Variants in GNG4 observed in about 807,000 individuals in gnomAD.
GNG4 encodes the protein G protein subunit gamma 4.
GNG4 carries 4 observed loss-of-function variants against 5.8 expected under a neutral mutation model. The ratio of observed to expected loss-of-function variants is 0.69; its 90% CI spans 0.34 to 1.57. The LOEUF is 1.57. GNG4 is among the 40% of genes most tolerant of loss of function. The probability of loss-of-function intolerance (pLI) is 0.06; values close to 1 mark genes in which losing one functional copy is unlikely to be tolerated. For missense variants in GNG4, 96 were observed against 95.1 expected (o/e 1.01, Z -0.04); for synonymous variants, 29 against 32.9 (o/e 0.88, Z 0.41).
At chr1:235,597,588 C>CTGTGTGTGTGTGTG (rs386417904) in intron 1 of GNG4, among the ~76,000 whole-genome samples, 1 of 74,266 alleles carries the variant, frequency 1.3e-5, no homozygotes, top group African/African-American at 5.2e-5. Flanking sequence ...AACTTGTTTG[C>CTGTGTGTGTGTGTG]TGTGTGTGTG....
intron 3 of GNG4, among the ~76,000 whole-genome samples, chr1:235,561,034 G>A (rs900333103): frequency 6.6e-5 from 10 of 151,942 alleles, no homozygotes; most frequent in Non-Finnish European, 1.0e-4. Flanking sequence ...CTTTTGAGAC[G>A]GAGTCTCACT....
At chr1:235,587,574 G>GT (rs2102946705) in intron 2 of GNG4, among the ~76,000 whole-genome samples, 1 of 81,128 alleles carries the variant, frequency 1.2e-5, no homozygotes, top group Non-Finnish European at 2.5e-5. Context: ...GGGAGGGTGT[G>GT]GGGTGGCGGT....
chr1:235,575,849 G>A (rs916803962), intron 3 of GNG4, among the ~76,000 whole-genome samples: 3 of 152,138 alleles, frequency 2.0e-5, no homozygotes, highest in Non-Finnish European at 4.4e-5. Flanking sequence ...CGTGGAACCC[G>A]CCTGAGAGCC....
intron 2 of GNG4, among the ~76,000 whole-genome samples, chr1:235,587,994 G>A (rs1327072603): frequency 2.0e-5 from 3 of 151,688 alleles, no homozygotes; most frequent in African/African-American, 4.9e-5. Context: ...TAACGTTACC[G>A]GGGAAAGCAG....
chr1:235,606,376 C>T (rs1430480955), intron 1 of GNG4, among the ~76,000 whole-genome samples: 4 of 151,816 alleles, frequency 2.6e-5, no homozygotes, highest in East Asian at 1.9e-4. Flanking sequence ...AGCAAGACTC[C>T]GTCTTAAAAA....
Position 235,580,739 on chromosome 1 carries a change from G to GTTTTTTTTTTTTTTTT in GNG4, c.99+3000_99+3001insAAAAAAAAAAAAAAAA. Among the ~76,000 whole-genome samples the GTTTTTTTTTTTTTTTT allele has an allele frequency of 2.0e-5, 2 of 98,048 alleles. 1 individual carries two copies. Among genetic ancestry groups the GTTTTTTTTTTTTTTTT allele is most frequent in the Non-Finnish European group, 3.7e-5 (2 of 54,044 alleles). 64.3% of individuals were successfully genotyped at this position (98,048 alleles called of 152,430 possible). ...GCACAGCAACATGGCGGCCTATCCCGTTTTTTGTTTTTTTTTTTTTTTTTT... is the reference window on the plus strand; with the variant it reads ...GCACAGCAACATGGCGGCCTATCCCGTTTTTTTTTTTTTTTTTTTTTTGTTTTTTTTTTTTTTTTTT... On this transcript the variant is annotated intron_variant, in intron 3 of 3. Coordinates refer to ENST00000391854, the MANE Select transcript of GNG4 (RefSeq NM_001098722.2).
chr1:235,561,104 G>A (rs143371461), intron 3 of GNG4, among the ~76,000 whole-genome samples: 3 of 152,270 alleles, frequency 2.0e-5, no homozygotes, highest in African/African-American at 7.2e-5. Flanking sequence ...CCACCTCACG[G>A]GTTCAAGACA....
At chr1:235,613,388 G>T (rs927555932) in intron 1 of GNG4, among the ~76,000 whole-genome samples, 1 of 152,200 alleles carries the variant, frequency 6.6e-6, no homozygotes, top group Non-Finnish European at 1.5e-5. Flanking sequence ...ACATGATAAT[G>T]GGGGTTTTAG....
chr1:235,587,548 T>G (rs1456241364), intron 2 of GNG4, among the ~76,000 whole-genome samples: 27 of 1,578 alleles, frequency 0.017, no homozygotes, highest in East Asian at 0.042. Context: ...AGGGTGTGGG[T>G]TGGGGTTGTG....
chr1:235,611,120 C>T (rs912579954), intron 1 of GNG4, among the ~76,000 whole-genome samples: 4 of 150,818 alleles, frequency 2.7e-5, no homozygotes, highest in Non-Finnish European at 4.4e-5. Flanking sequence ...AGAAGCACTG[C>T]AAAAGAGATA....
chr1:235,574,410 G>A (rs1687425762), intron 3 of GNG4, among the ~76,000 whole-genome samples: 2 of 152,102 alleles, frequency 1.3e-5, no homozygotes, highest in African/African-American at 2.4e-5. Context: ...CCATTTTAAT[G>A]AACAGAGAAG....
At chr1:235,633,962 G>C (rs915189800) in intron 1 of GNG4, among the ~76,000 whole-genome samples, 2 of 152,206 alleles carry the variant, frequency 1.3e-5, no homozygotes, top group Non-Finnish European at 2.9e-5. Context: ...CCAAATGTGA[G>C]AAGCAGAAAA....
At chr1:235,629,147 A>G (rs1688884806) in intron 1 of GNG4, among the ~76,000 whole-genome samples, 1 of 151,814 alleles carries the variant, frequency 6.6e-6, no homozygotes, top group Non-Finnish European at 1.5e-5. Context: ...CCTCCTGGGT[A>G]GCTGAGACCC....
rs901963968 is a variant in GNG4 at position 235,592,890 on chromosome 1, G to A, written c.-11+2510C>T. ...CTCCTTTCTTCCACTGCAACACCTC[G>A]GTGTGGATATCTGGTCTTACCACGC... On this transcript the variant is annotated intron_variant, in intron 2 of 3. Coordinates refer to ENST00000391854, the MANE Select transcript of GNG4 (RefSeq NM_001098722.2). Among the ~76,000 whole-genome samples the A allele has an allele frequency of 5.9e-5, 9 of 151,800 alleles. No homozygotes were observed. The South Asian group carries it at 6.2e-4, about 10-fold the overall frequency.
Position 235,549,728 on chromosome 1 carries a change from TC to T in GNG4, c.*2380del, listed in dbSNP as rs1490277435. 6.6e-6 allele frequency: 1 copy of T among 152,232 alleles called. No individual in the cohort carries two copies. Among genetic ancestry groups the T allele is most frequent in the Non-Finnish European group, 1.5e-5 (1 of 68,042 alleles). The allele number at this position is 152,232 out of a possible 1,614,324, so 9.4% of individuals were successfully genotyped here. A position where few individuals can be genotyped will look rare whatever the true frequency, so the allele number is the denominator to read the frequency against. Reference sequence around the variant, plus strand: ...ACAAAAGAAGCAAGGAACAAAGATGTCCTAAATCCATTTACGAGGGCAGCAA... The same window carrying T: ...ACAAAAGAAGCAAGGAACAAAGATGTCTAAATCCATTTACGAGGGCAGCAA... On this transcript the variant is annotated 3_prime_UTR_variant, in exon 4 of 4. Transcript: ENST00000391854.
At chr1:235,587,156 G>A (rs900172104) in intron 2 of GNG4, among the ~76,000 whole-genome samples, 6 of 150,928 alleles carry the variant, frequency 4.0e-5, no homozygotes, top group African/African-American at 1.5e-4. Flanking sequence ...GTGTGGGGTG[G>A]GGGTGAGCGT....
chr1:235,608,415 G>A (rs2102967048), intron 1 of GNG4, among the ~76,000 whole-genome samples: 1 of 152,244 alleles, frequency 6.6e-6, no homozygotes, highest in South Asian at 2.1e-4. Flanking sequence ...GTGACGTTTA[G>A]TACATCCACA....
intron 1 of GNG4, among the ~76,000 whole-genome samples, chr1:235,616,678 T>G (rs1688595805): frequency 1.3e-5 from 2 of 152,038 alleles, no homozygotes; most frequent in Admixed American, 1.3e-4. Context: ...AGACAAGCCT[T>G]TTTCTCTGAT....
intron 2 of GNG4, among the ~76,000 whole-genome samples, chr1:235,587,224 A>AGAGT (rs1687783475): frequency 2.1e-5 from 1 of 47,238 alleles, no homozygotes; most frequent in Non-Finnish European, 3.3e-5. Flanking sequence ...GGTGTGGGTG[A>AGAGT]GTGTGAGTGT....
Sources: allele counts gnomAD v4.1 joint callset (sites outside exome capture counted in the v4.1 genomes callset), GRCh38; gene constraint gnomAD v4.1.1; transcripts MANE v1.5; gene names NCBI Gene and HGNC (gene_info 2026-07-23, HGNC 2026-07-21).